The following NTM variants were observed in gnomAD, a reference collection of about 807,000 sequenced individuals.
NTM encodes IgLON family member 2.
Under a neutral mutation model 42.1 loss-of-function variants are expected in NTM, and 13 were observed. The ratio of observed to expected loss-of-function variants is 0.31; its 90% CI spans 0.20 to 0.49. The LOEUF (loss-of-function observed/expected upper bound fraction) is 0.49. Ranked by LOEUF, NTM falls within the 20% of genes least tolerant of loss-of-function variation. The probability of loss-of-function intolerance (pLI) is 0.99; values close to 1 mark genes in which losing one functional copy is unlikely to be tolerated. For missense variants in NTM, 373 were observed against 452.8 expected, an observed-to-expected ratio of 0.82 and a Z score of 1.60; for synonymous variants, 187 against 179.2, an observed-to-expected ratio of 1.04 and a Z score of -0.35.
chr11:131,381,177 T>G (rs753252746), intron 1 of NTM, among the ~76,000 whole-genome samples: 24 of 152,112 alleles, frequency 1.6e-4, no homozygotes, highest in African/African-American at 5.8e-4. Context: ...GAGGGAAGAA[T>G]GGGGACAGGG....
At chr11:132,225,718 A>AT (rs2086109210) in intron 4 of NTM, among the ~76,000 whole-genome samples, 2 of 152,082 alleles carry the variant, frequency 1.3e-5, no homozygotes, top group Non-Finnish European at 2.9e-5. Context: ...ATTTAAATTT[A>AT]TTTTTTATTG....
intron 1 of NTM, among the ~76,000 whole-genome samples, chr11:131,521,267 A>G (rs1041966067): frequency 6.7e-6 from 1 of 149,630 alleles, no homozygotes; most frequent in Non-Finnish European, 1.5e-5. Flanking sequence ...GTGAGCCAAG[A>G]TCGTGCCACT....
At chr11:131,543,800 C>A (rs796977574) in intron 1 of NTM, among the ~76,000 whole-genome samples, 8 of 152,330 alleles carry the variant, frequency 5.3e-5, no homozygotes, top group African/African-American at 1.7e-4. Flanking sequence ...CCCAGTCTAG[C>A]CGCTTATGCA....
chr11:131,373,970 G>T (rs1417099037), intron 1 of NTM, among the ~76,000 whole-genome samples: 1 of 152,214 alleles, frequency 6.6e-6, no homozygotes, highest in Admixed American at 6.5e-5. Flanking sequence ...AGGCCGGCCA[G>T]GTTCCTGCCA....
At chr11:132,241,993 T>C (rs1415449889) in intron 4 of NTM, among the ~76,000 whole-genome samples, 2 of 152,268 alleles carry the variant, frequency 1.3e-5, no homozygotes, top group African/African-American at 4.8e-5. Flanking sequence ...AAACCTATAT[T>C]ATGCTATCAG....
chr11:131,445,919 A>G (rs1301217320), intron 1 of NTM, among the ~76,000 whole-genome samples: 1 of 152,198 alleles, frequency 6.6e-6, no homozygotes, highest in Non-Finnish European at 1.5e-5. Context: ...CTTCTTCCCT[A>G]CAAGGATAGA....
chr11:132,220,186 A>G (rs1236046974), intron 4 of NTM, among the ~76,000 whole-genome samples: 4 of 152,234 alleles, frequency 2.6e-5, no homozygotes, highest in African/African-American at 7.2e-5. Flanking sequence ...ATATACAGAA[A>G]AAAAGGGATT....
intron 1 of NTM, among the ~76,000 whole-genome samples, chr11:131,711,801 A>G (rs909859253): frequency 1.3e-5 from 2 of 152,098 alleles, no homozygotes; most frequent in Admixed American, 1.3e-4. Context: ...CTATGCAGCC[A>G]TAAAAAATGA....
intron 2 of NTM, among the ~76,000 whole-genome samples, chr11:131,942,963 C>G (rs567630437): frequency 1.4e-5 from 2 of 145,682 alleles, no homozygotes; most frequent in East Asian, 4.0e-4. Context: ...AAAAAAAATG[C>G]GTAGAGTTTA....
At chr11:131,582,702 A>G (rs919581240) in intron 1 of NTM, among the ~76,000 whole-genome samples, 6 of 152,224 alleles carry the variant, frequency 3.9e-5, no homozygotes, top group Non-Finnish European at 8.8e-5. Context: ...CGCAATACTT[A>G]ACAAAGTTAA....
At chr11:132,025,964 T>C (rs2075117435) in intron 2 of NTM, among the ~76,000 whole-genome samples, 1 of 152,168 alleles carries the variant, frequency 6.6e-6, no homozygotes, top group African/African-American at 2.4e-5. Flanking sequence ...ATCCTGATTC[T>C]GTCACTGACT....
At chr11:131,855,793 C>T (rs2046034641) in intron 1 of NTM, among the ~76,000 whole-genome samples, 1 of 152,076 alleles carries the variant, frequency 6.6e-6, no homozygotes, top group Non-Finnish European at 1.5e-5. Flanking sequence ...GGTCTTTAAG[C>T]TCCCTACACA....
intron 1 of NTM, among the ~76,000 whole-genome samples, chr11:131,741,160 G>C (rs991523148): frequency 9.0e-6 from 1 of 111,560 alleles, no homozygotes; most frequent in Admixed American, 1.0e-4. Flanking sequence ...GCAAGACCCC[G>C]TTGAGAGAGA....
chr11:132,270,938 T>C (rs1405271284), intron 4 of NTM, among the ~76,000 whole-genome samples: 1 of 152,216 alleles, frequency 6.6e-6, no homozygotes, highest in Non-Finnish European at 1.5e-5. Flanking sequence ...CATTTACAAA[T>C]GTATAATTTT....
chr11:132,214,057 C>T (rs1372118005), intron 4 of NTM, among the ~76,000 whole-genome samples: 3 of 152,304 alleles, frequency 2.0e-5, no homozygotes, highest in African/African-American at 7.2e-5. Context: ...GACACTGTAA[C>T]TGTGAACAAG....
At position 132,231,877 on chromosome 11, in the gene NTM, T is replaced by G. The variant is rs11827836; in HGVS notation, c.526+19730T>G. Reference sequence around the variant, plus strand: ...CTCATTTGATATTAAACATCAGCTCTGACGCTGTTTTCATGCACTTTTCAA... The same window carrying G: ...CTCATTTGATATTAAACATCAGCTCGGACGCTGTTTTCATGCACTTTTCAA... On this transcript the variant is annotated intron_variant, in intron 4 of 8. Coordinates refer to ENST00000683400, the MANE Select transcript of NTM (RefSeq NM_001352005.2). 6.3e-3 allele frequency among the ~76,000 whole-genome samples: 949 copies of G among 150,620 alleles called. 11 individuals are homozygous for G. Among genetic ancestry groups the G allele is most frequent in the African/African-American group, 0.022 (901 of 40,792 alleles).
At chr11:132,045,691 G>A (rs74369741) in intron 2 of NTM, among the ~76,000 whole-genome samples, 5,793 of 152,166 alleles carry the variant, frequency 0.038, 387 homozygotes, top group African/African-American at 0.13. Flanking sequence ...CTCAAAGCAC[G>A]TTTCTCAGCA....
chr11:131,582,554 T>C (rs1357481295), intron 1 of NTM, among the ~76,000 whole-genome samples: 6 of 92,494 alleles, frequency 6.5e-5, no homozygotes, highest in African/African-American at 2.8e-4. Context: ...TTTTGCTTTG[T>C]TAATTTTTTT....
chr11:132,048,492 C>T (rs1053487333), intron 2 of NTM, among the ~76,000 whole-genome samples: 1 of 152,178 alleles, frequency 6.6e-6, no homozygotes, highest in Non-Finnish European at 1.5e-5. Flanking sequence ...TTGTGTTCAC[C>T]TCTGGAAACA....
Sources: gnomAD v4.1 joint callset for allele counts (sites outside exome capture counted in the v4.1 genomes callset) on GRCh38, gnomAD v4.1.1 for gene constraint, MANE v1.5 for transcripts, NCBI Gene and HGNC (gene_info 2026-07-23, HGNC 2026-07-21) for gene names.